Variants in RARB observed in about 807,000 individuals in gnomAD.
RARB encodes the protein retinoic acid receptor beta.
Under a neutral mutation model 51.9 loss-of-function variants are expected in RARB, and 17 were observed. The ratio of observed to expected loss-of-function variants is 0.33; its 90% CI spans 0.22 to 0.49. The LOEUF (loss-of-function observed/expected upper bound fraction) is 0.49. Among genes scored for constraint, RARB ranks in the 20% least tolerant of loss-of-function variants. The pLI, the probability that RARB is intolerant of heterozygous loss-of-function variation, is 0.99. For synonymous variants in RARB, 215 were observed against 195.4 expected (o/e 1.10, Z -0.84); for missense variants, 369 against 550.8 (o/e 0.67, Z 3.30).
chr3:25,551,094 T>C (rs113599947), intron 3 of RARB, among the ~76,000 whole-genome samples: 2,845 of 152,178 alleles, frequency 0.019, 93 homozygotes, highest in African/African-American at 0.065. Flanking sequence ...AAAATCATCT[T>C]TGAAGGCTTG....
At chr3:25,084,286 C>T (rs1699064086) in intron 3 of RARB, among the ~76,000 whole-genome samples, 1 of 152,166 alleles carries the variant, frequency 6.6e-6, no homozygotes, top group South Asian at 2.1e-4. Flanking sequence ...TCATGTGTTT[C>T]CCTTTCCTCA....
At chr3:25,501,090 A>G in intron 2 of RARB, 92 bp from the exon 3 acceptor site, 19 of 1,425,106 alleles carry the variant, frequency 1.3e-5, no homozygotes, top group Non-Finnish European at 1.8e-5. Context: ...GTTACTCAAA[A>G]AGAGCAATTA....
At chr3:25,128,757 T>C (rs1442186193) in intron 3 of RARB, among the ~76,000 whole-genome samples, 1 of 151,930 alleles carries the variant, frequency 6.6e-6, no homozygotes, top group Non-Finnish European at 1.5e-5. Flanking sequence ...CAACTAAATA[T>C]TCTGGGAGAG....
chr3:25,159,140 C>A (rs1386965835), intron 4 of RARB, among the ~76,000 whole-genome samples: 1 of 142,014 alleles, frequency 7.0e-6, no homozygotes, highest in Admixed American at 7.0e-5. Flanking sequence ...CCCAAGAAAA[C>A]TGTTCCAAAT....
chr3:25,326,615 G>A (rs1704723172), intron 5 of RARB, among the ~76,000 whole-genome samples: 1 of 152,108 alleles, frequency 6.6e-6, no homozygotes, highest in East Asian at 1.9e-4. Flanking sequence ...TTTCAGCAAA[G>A]TAGTTACCTT....
intron 4 of RARB, among the ~76,000 whole-genome samples, chr3:25,576,418 T>A (rs901571046): frequency 2.0e-5 from 3 of 152,146 alleles, no homozygotes; most frequent in Non-Finnish European, 2.9e-5. Context: ...TCCAGAATTC[T>A]AGCATTTCTT....
At chr3:25,357,735 G>A (rs1335489432) in intron 5 of RARB, among the ~76,000 whole-genome samples, 1 of 152,158 alleles carries the variant, frequency 6.6e-6, no homozygotes, top group African/African-American at 2.4e-5. Context: ...CATATGGCTA[G>A]CCAGTTTTCC....
rs1024817692 is a variant in RARB at position 25,501,113 on chromosome 3, G to A, written c.307-69G>A. On this transcript the variant is annotated intron_variant, in intron 2 of 7. Transcript: ENST00000330688. ...AAAAGAGCAATTAATGCATTGATAA[G>A]GTTGGCTTTGATTTCTGATGAAGCT... 7 of 1,505,456 alleles carry A rather than the reference G, an allele frequency of 4.6e-6. No homozygotes were observed. The African/African-American group carries it at 5.7e-5, about 12-fold the overall frequency. The allele number at this position is 1,505,456 out of a possible 1,614,324, so 93.3% of individuals were successfully genotyped here.
intron 2 of RARB, among the ~76,000 whole-genome samples, chr3:24,996,923 A>G (rs1376298550): frequency 6.6e-6 from 1 of 152,126 alleles, no homozygotes; most frequent in Non-Finnish European, 1.5e-5. Context: ...AAAAGAATGT[A>G]TATTCTGTAG....
At chr3:25,408,687 G>A (rs1398414961) in intron 5 of RARB, among the ~76,000 whole-genome samples, 1 of 152,116 alleles carries the variant, frequency 6.6e-6, no homozygotes, top group Non-Finnish European at 1.5e-5. Flanking sequence ...CTGGCTCCAG[G>A]AAGCAGGCAA....
chr3:25,014,064 C>T (rs1697456077), intron 2 of RARB, among the ~76,000 whole-genome samples: 1 of 152,086 alleles, frequency 6.6e-6, no homozygotes, highest in Admixed American at 6.6e-5. Flanking sequence ...GAGCCAGAAA[C>T]TCAAAACTTA....
At chr3:25,447,847 A>G (rs1436333576) in intron 1 of RARB, among the ~76,000 whole-genome samples, 1 of 152,108 alleles carries the variant, frequency 6.6e-6, no homozygotes, top group Non-Finnish European at 1.5e-5. Flanking sequence ...AGAAGGGAAA[A>G]TTATTTTGAG....
chr3:25,590,216 T>A (rs1701562235), intron 5 of RARB, among the ~76,000 whole-genome samples: 1 of 152,228 alleles, frequency 6.6e-6, no homozygotes, highest in South Asian at 2.1e-4. Context: ...AGAATCCAAA[T>A]ACATTCTAAC....
intron 2 of RARB, among the ~76,000 whole-genome samples, chr3:25,482,739 C>T (rs1015928593): frequency 3.3e-5 from 5 of 151,612 alleles, no homozygotes; most frequent in Non-Finnish European, 1.5e-5. Context: ...CGGGGTTTCA[C>T]CATGTTAGCC....
intron 4 of RARB, among the ~76,000 whole-genome samples, chr3:25,143,383 C>G (rs1295990812): frequency 6.6e-6 from 1 of 152,076 alleles, no homozygotes; most frequent in Admixed American, 6.6e-5. Context: ...CCCAAAAAAC[C>G]CCTCTAGTAC....
intron 1 of RARB, among the ~76,000 whole-genome samples, chr3:24,834,953 G>A (rs747474103): frequency 5.4e-5 from 8 of 148,002 alleles, no homozygotes; most frequent in South Asian, 4.3e-4. Context: ...TTCTTTCATC[G>A]TCTTCAGTTC....
intron 5 of RARB, among the ~76,000 whole-genome samples, chr3:25,416,046 T>C (rs1707693201): frequency 6.6e-6 from 1 of 152,214 alleles, no homozygotes; most frequent in South Asian, 2.1e-4. Flanking sequence ...GTCTTAATTA[T>C]GGCAACATAT....
At chr3:25,163,430 G>A (rs1348329788) in intron 4 of RARB, among the ~76,000 whole-genome samples, 1 of 150,738 alleles carries the variant, frequency 6.6e-6, no homozygotes. Context: ...GCTTGAGCCT[G>A]GGAGGGCAAG....
At chr3:25,413,914 A>G (rs1444829020) in intron 5 of RARB, among the ~76,000 whole-genome samples, 2 of 152,204 alleles carry the variant, frequency 1.3e-5, no homozygotes, top group East Asian at 3.8e-4. Context: ...ATTGACATTC[A>G]ATAAACTGCA....
Sources: allele counts gnomAD v4.1 joint callset (sites outside exome capture counted in the v4.1 genomes callset), GRCh38; gene constraint gnomAD v4.1.1; transcripts MANE v1.5; gene names NCBI Gene and HGNC (gene_info 2026-07-23, HGNC 2026-07-21).